BICD1: variants seen among roughly 807,000 people sequenced by gnomAD.
The protein encoded by BICD1 is protein bicaudal D homolog 1.
A neutral mutation model predicts 92.5 loss-of-function variants in BICD1; 35 were observed. The observed-to-expected ratio is 0.38, with a 90% CI of 0.29 to 0.50. The LOEUF (loss-of-function observed/expected upper bound fraction) is 0.50. Ranked by LOEUF, BICD1 falls within the 20% of genes least tolerant of loss-of-function variation. The probability of loss-of-function intolerance (pLI) is 0.93; values close to 1 mark genes in which losing one functional copy is unlikely to be tolerated. For synonymous variants in BICD1, 429 were observed against 465.1 expected, an observed-to-expected ratio of 0.92 and a Z score of 1.00; for missense variants, 950 against 1,189.8, an observed-to-expected ratio of 0.80 and a Z score of 2.97.
In BICD1 at chr12:32,357,494, G is replaced by C. The variant is rs536705995; in HGVS notation, c.2765-10176G>C. Among the ~76,000 whole-genome samples the C allele has an allele frequency of 2.0e-5, 3 of 152,288 alleles. No individual in the cohort carries two copies. In the South Asian group the frequency reaches 6.2e-4, roughly 32 times the overall value. Reference sequence around the variant, plus strand: ...GAAGTACTCTCGGCAGAGTAAGAAGGAGCACTAACTGCTTCTACTTTGGAG... The same window carrying C: ...GAAGTACTCTCGGCAGAGTAAGAAGCAGCACTAACTGCTTCTACTTTGGAG... On this transcript the variant is annotated intron_variant, in intron 8 of 9. Transcript: ENST00000652176.
chr12:32,183,545 G>A (rs551207009), intron 1 of BICD1, among the ~76,000 whole-genome samples: 6 of 152,298 alleles, frequency 3.9e-5, no homozygotes, highest in Admixed American at 6.5e-5. Flanking sequence ...CATTATAGGC[G>A]TGAGCCACTG....
At position 32,334,590 on chromosome 12, in the gene BICD1, G is replaced by T. The variant is rs200357909; in HGVS notation, c.2175G>T (p.Thr725=). 3 of 1,612,532 alleles carry T rather than the reference G, an allele frequency of 1.9e-6. No homozygotes were observed. Among genetic ancestry groups the T allele is most frequent in the South Asian group, 1.1e-5 (1 of 90,858 alleles). ...NEKAMVTETM[T]KLRNELKALK... ...AAGCAATGGTGACTGAAACCATGAC[G>T]AAGCTTAGAAATGAACTGAAGGCTT... The change falls in exon 6 of 10, where the codon ACG becomes ACT. Residue 725 remains threonine, a synonymous_variant. Transcript: ENST00000652176.
At chr12:32,348,772 A>ATATATATG (rs1565689041) in intron 8 of BICD1, among the ~76,000 whole-genome samples, 7 of 52,728 alleles carry the variant, frequency 1.3e-4, no homozygotes, top group African/African-American at 5.3e-4. Flanking sequence ...ATATATATAT[A>ATATATATG]TATATATCAG....
chr12:32,324,353 C>CA (rs149196321), intron 4 of BICD1, among the ~76,000 whole-genome samples: 4,644 of 48,286 alleles, frequency 0.096, 315 homozygotes, highest in East Asian at 0.37. Flanking sequence ...GACTCCATCT[C>CA]AAAAAAAAAA....
intron 2 of BICD1, among the ~76,000 whole-genome samples, chr12:32,257,790 A>G (rs1243288557): frequency 1.3e-5 from 2 of 152,144 alleles, no homozygotes; most frequent in East Asian, 1.9e-4. Context: ...ATACAATGGA[A>G]CCTTATGTTT....
rs759328721 is a variant in BICD1 at position 32,182,278 on chromosome 12, C to CTTTTTTTTTTTTTTTTTTT, written c.214-33965_214-33947dup. 1.3e-3 allele frequency among the ~76,000 whole-genome samples: 105 copies of CTTTTTTTTTTTTTTTTTTT among 81,412 alleles called. 6 individuals are homozygous for CTTTTTTTTTTTTTTTTTTT. The highest frequency in any genetic ancestry group is 2.0e-3 in the Non-Finnish European group (85 of 42,414). 53.4% of individuals were successfully genotyped at this position (81,412 alleles called of 152,430 possible). A position where few individuals can be genotyped will look rare whatever the true frequency, so the allele number is the denominator to read the frequency against. ...TTCTTTTTTCTTTCTTTCTTTCTTTCTTTTTTTTTTTTTTTTTTTTTTGAG... is the reference window on the plus strand; with the variant it reads ...TTCTTTTTTCTTTCTTTCTTTCTTTCTTTTTTTTTTTTTTTTTTTTTTTTTTTTTTTTTTTTTTTTTGAG... On this transcript the variant is annotated intron_variant, in intron 1 of 9. Coordinates refer to ENST00000652176, the MANE Select transcript of BICD1 (RefSeq NM_001714.4).
chr12:32,253,809 T>G (rs1946629259), intron 2 of BICD1, among the ~76,000 whole-genome samples: 1 of 151,014 alleles, frequency 6.6e-6, no homozygotes, highest in Non-Finnish European at 1.5e-5. Flanking sequence ...AAATCCCACC[T>G]GCCATAATCA....
Position 32,295,433 on chromosome 12 carries a change from G to A in BICD1, c.579+1287G>A, listed in dbSNP as rs1016870266. On this transcript the variant is annotated intron_variant, in intron 3 of 9. Transcript: ENST00000652176. ...ATCAACAGCCTATGTGCCAGGTGCT[G>A]TGCTAGGTTGGACAGACACAAGAAT... 3.3e-5 allele frequency among the ~76,000 whole-genome samples: 5 copies of A among 152,114 alleles called. 1 individual carries two copies. Among genetic ancestry groups the A allele is most frequent in the Non-Finnish European group, 7.4e-5 (5 of 68,020 alleles).
intron 8 of BICD1, among the ~76,000 whole-genome samples, chr12:32,350,682 A>C (rs1938828270): frequency 6.6e-6 from 1 of 152,012 alleles, no homozygotes; most frequent in African/African-American, 2.4e-5. Flanking sequence ...TCCTCCACAC[A>C]CCCATCTCTT....
At chr12:32,375,127 A>G (rs1939896443) in intron 9 of BICD1, among the ~76,000 whole-genome samples, 1 of 149,800 alleles carries the variant, frequency 6.7e-6, no homozygotes, top group South Asian at 2.1e-4. Context: ...GGGTTTCACC[A>G]TGTTGGCCAG....
intron 1 of BICD1, among the ~76,000 whole-genome samples, chr12:32,188,754 G>A (rs1327550480): frequency 1.3e-5 from 2 of 150,720 alleles, no homozygotes; most frequent in African/African-American, 4.9e-5. Context: ...TTGAGACAGA[G>A]TCTCACTCTA....
intron 2 of BICD1, among the ~76,000 whole-genome samples, chr12:32,220,794 C>T (rs976204801): frequency 7.5e-6 from 1 of 133,616 alleles, no homozygotes; most frequent in Non-Finnish European, 1.6e-5. Flanking sequence ...CACATGCACA[C>T]GTATGTTTAT....
At chr12:32,339,008 A>T (rs1247983197) in intron 8 of BICD1, 29 bp downstream of exon 8, 4 of 1,568,410 alleles carry the variant, frequency 2.6e-6, no homozygotes, top group Non-Finnish European at 3.4e-6. Flanking sequence ...GGTGCATGTG[A>T]TGCAAATGAT....
chr12:32,142,432 CAAAAAA>C (rs1565543602), intron 1 of BICD1, among the ~76,000 whole-genome samples: 6 of 49,438 alleles, frequency 1.2e-4, no homozygotes, highest in African/African-American at 4.8e-4. Context: ...AAAAAAAAAA[CAAAAAA>C]CCCCACCTAT....
intron 4 of BICD1, among the ~76,000 whole-genome samples, chr12:32,324,330 G>A (rs1948723674): frequency 1.4e-5 from 2 of 147,772 alleles, no homozygotes; most frequent in African/African-American, 5.0e-5. Context: ...ACTTCAGCCT[G>A]GTGACAGAGC....
Position 32,377,621 on chromosome 12 carries a change from C to A in BICD1, c.2922C>A (p.His974Gln). 1 of 1,612,786 alleles carries A rather than the reference C, an allele frequency of 6.2e-7. No individual in the cohort carries two copies. Among genetic ancestry groups the A allele is most frequent in the Non-Finnish European group, 8.5e-7 (1 of 1,178,780 alleles). ...APLHCLSKPP[H>Q]P is the part of the protein sequence containing the mutation. ...TCCACTGTCTCTCCAAGCCTCCTCACCCCTAGTCTTCATCTCCTGTGGACG... is the reference window on the plus strand; with the variant it reads ...TCCACTGTCTCTCCAAGCCTCCTCAACCCTAGTCTTCATCTCCTGTGGACG... The change falls in exon 10 of 10, where the codon CAC (histidine) becomes CAA (glutamine). Residue 974 changes from histidine (H) to glutamine (Q), a missense_variant. His to Gln is a conservative substitution (Grantham distance 24). Around this residue, in one of 5 missense-constraint regions of BICD1, gnomAD observed 179 missense variants for 186.7 expected, o/e 0.96. Coordinates refer to ENST00000652176, the MANE Select transcript of BICD1 (RefSeq NM_001714.4).
intron 1 of BICD1, among the ~76,000 whole-genome samples, chr12:32,120,301 T>A (rs1942095951): frequency 6.6e-6 from 1 of 152,242 alleles, no homozygotes; most frequent in Non-Finnish European, 1.5e-5. Context: ...AATGTAATAT[T>A]TAACTGCTGT....
chr12:32,177,813 A>G (rs1592424500), intron 1 of BICD1, among the ~76,000 whole-genome samples: 1 of 130,356 alleles, frequency 7.7e-6, no homozygotes, highest in African/African-American at 2.7e-5. Flanking sequence ...ATTTATATAA[A>G]ATATAAAATA....
intron 4 of BICD1, among the ~76,000 whole-genome samples, chr12:32,321,568 A>G (rs918668308): frequency 1.3e-5 from 2 of 152,218 alleles, no homozygotes; most frequent in African/African-American, 2.4e-5. Flanking sequence ...CAGTCACTAC[A>G]GAAGATTATA....
Sources: allele counts gnomAD v4.1 joint callset (sites outside exome capture counted in the v4.1 genomes callset), GRCh38; gene constraint gnomAD v4.1.1; regional missense constraint gnomAD v4.1.1; transcripts MANE v1.5; gene names NCBI Gene and HGNC (gene_info 2026-07-23, HGNC 2026-07-21).